The following SPAG17 variants were observed in gnomAD, a reference collection of about 807,000 sequenced individuals.
SPAG17 encodes the protein sperm-associated antigen 17.
A neutral mutation model predicts 273.6 loss-of-function variants in SPAG17; 169 were observed. That is an observed-to-expected ratio of 0.62 (90% confidence interval 0.55 to 0.70). The LOEUF is 0.70. Among genes scored for constraint, SPAG17 ranks in the 30% least tolerant of loss-of-function variants. The pLI is 0.00. For synonymous variants in SPAG17, 825 were observed against 873.2 expected (o/e 0.94, Z 0.97); for missense variants, 2,557 against 2,627.8 (o/e 0.97, Z 0.59).
At chr1:117,984,237 T>C (rs768371046) in intron 41 of SPAG17, among the ~76,000 whole-genome samples, 21 of 152,194 alleles carry the variant, frequency 1.4e-4, no homozygotes, top group Non-Finnish European at 2.6e-4. Context: ...TAGGCTGAAA[T>C]AGAACAGGAG....
rs144656489 is a variant in SPAG17 at position 118,144,344 on chromosome 1, A to T, written c.315+6199T>A. 2.1e-3 allele frequency among the ~76,000 whole-genome samples: 313 copies of T among 152,224 alleles called. 6 individuals carry two copies. Among genetic ancestry groups the T allele is most frequent in the African/African-American group, 7.2e-3 (301 of 41,542 alleles). On this transcript the variant is annotated intron_variant, in intron 3 of 48. Coordinates refer to ENST00000336338, the MANE Select transcript of SPAG17 (RefSeq NM_206996.4). The stretch of plus-strand genomic sequence containing the variant: ...AACACATCTGACTGCTCTTTTCCCC[A>T]TCTTGACAAAAGTCATTCATTTGTA...
intron 1 of SPAG17, among the ~76,000 whole-genome samples, chr1:118,176,903 A>G (rs1660722200): frequency 6.6e-6 from 1 of 152,192 alleles, no homozygotes; most frequent in African/African-American, 2.4e-5. Context: ...GAGAAATCTC[A>G]AAAACTACAC....
At chr1:118,081,355 T>C (rs747529001) in intron 14 of SPAG17, 36 bp from the exon 15 acceptor site, 17 of 1,610,724 alleles carry the variant, frequency 1.1e-5, no homozygotes, top group African/African-American at 1.3e-5. Flanking sequence ...AGATACAATA[T>C]GAGAAAAATT....
At chr1:118,143,497 A>G (rs72631728) in intron 3 of SPAG17, among the ~76,000 whole-genome samples, 11,467 of 152,108 alleles carry the variant, frequency 0.075, 568 homozygotes, top group East Asian at 0.26. Context: ...CCAGGAGTTC[A>G]AGACTTACCC....
chr1:117,955,056 C>T lies in SPAG17; in HGVS notation c.*1-1007G>A, dbSNP rs41276604. ...ATTAGTATTTTATTGCATGTCTCATCACAGTAATTTTGTGAGTCAGGGTAT... is the reference window on the plus strand; with the variant it reads ...ATTAGTATTTTATTGCATGTCTCATTACAGTAATTTTGTGAGTCAGGGTAT... On this transcript the variant is annotated intron_variant, in intron 48 of 48. Coordinates refer to ENST00000336338, the MANE Select transcript of SPAG17 (RefSeq NM_206996.4). The T allele has an allele frequency of 5.2e-3, 2,185 of 416,780 alleles. 10 individuals are homozygous for T. Among genetic ancestry groups the T allele is most frequent in the Non-Finnish European group, 7.2e-3 (1,697 of 236,210 alleles). The allele number at this position is 416,780 out of a possible 1,614,324, so 25.8% of individuals were successfully genotyped here.
At chr1:118,179,915 T>G (rs1046006167) in intron 1 of SPAG17, among the ~76,000 whole-genome samples, 5 of 152,058 alleles carry the variant, frequency 3.3e-5, no homozygotes, top group African/African-American at 1.2e-4. Context: ...CTAGTTAAAA[T>G]GGCTTTTATC....
chr1:118,132,137 T>C (rs749842222), intron 3 of SPAG17, among the ~76,000 whole-genome samples: 6 of 152,176 alleles, frequency 3.9e-5, no homozygotes, highest in Non-Finnish European at 5.9e-5. Context: ...AGAGGGTGCC[T>C]TCTCCACACT....
At chr1:118,177,528 AG>A (rs1194490137) in intron 1 of SPAG17, among the ~76,000 whole-genome samples, 1 of 152,206 alleles carries the variant, frequency 6.6e-6, no homozygotes, top group Non-Finnish European at 1.5e-5. Context: ...GAACTAGAAA[AG>A]CAAGAACAAA....
chr1:118,034,830 G>C (rs1648892220), intron 24 of SPAG17, among the ~76,000 whole-genome samples: 1 of 152,170 alleles, frequency 6.6e-6, no homozygotes, highest in South Asian at 2.1e-4. Flanking sequence ...TTAAGATTAA[G>C]ATTCTTAATT....
At chr1:118,127,459 T>G (rs1657801337) in intron 3 of SPAG17, among the ~76,000 whole-genome samples, 1 of 152,090 alleles carries the variant, frequency 6.6e-6, no homozygotes, top group Non-Finnish European at 1.5e-5. Flanking sequence ...AACCACCCGA[T>G]CTCATGTGAA....
intron 1 of SPAG17, among the ~76,000 whole-genome samples, chr1:118,176,609 A>G (rs1393441980): frequency 6.6e-6 from 1 of 152,250 alleles, no homozygotes; most frequent in Non-Finnish European, 1.5e-5. Context: ...TACAATGATT[A>G]TAGAGGACCT....
chr1:118,139,029 A>G (rs1200058347), intron 3 of SPAG17, among the ~76,000 whole-genome samples: 1 of 152,154 alleles, frequency 6.6e-6, no homozygotes, highest in Admixed American at 6.5e-5. Flanking sequence ...TGTAAGCCAT[A>G]TATTTGATAG....
Position 117,953,646 on chromosome 1 carries a change from TTGA to T in SPAG17, c.*401_*403del. On this transcript the variant is annotated 3_prime_UTR_variant, in exon 49 of 49. Transcript: ENST00000336338. ...AGAAAGCCATTTTTTTGGCAAAAAG[TTGA>T]TGAGATTTAAAGATGGGGATTATAA... 1 of 1,097,374 alleles carries T rather than the reference TTGA, an allele frequency of 9.1e-7. No individual in the cohort carries two copies. The allele number at this position is 1,097,374 out of a possible 1,614,324, so 68.0% of individuals were successfully genotyped here.
At chr1:118,054,495 T>C (rs1426672496) in intron 19 of SPAG17, among the ~76,000 whole-genome samples, 6 of 152,114 alleles carry the variant, frequency 3.9e-5, no homozygotes, top group African/African-American at 1.4e-4. Context: ...ACTTATACTT[T>C]TCCGTACTTG....
chr1:118,160,048 T>G (rs1659837965), intron 1 of SPAG17, among the ~76,000 whole-genome samples: 1 of 152,096 alleles, frequency 6.6e-6, no homozygotes, highest in Non-Finnish European at 1.5e-5. Context: ...ATATTACATA[T>G]CAGAGACATT....
chr1:118,145,257 A>G (rs1033652093), intron 3 of SPAG17, among the ~76,000 whole-genome samples: 3 of 152,240 alleles, frequency 2.0e-5, no homozygotes, highest in Non-Finnish European at 4.4e-5. Flanking sequence ...CAATTCTATT[A>G]AATTGACTAT....
intron 35 of SPAG17, 26 bp from the exon 36 acceptor site, chr1:117,992,674 C>T: frequency 1.3e-6 from 2 of 1,520,634 alleles, no homozygotes; most frequent in Middle Eastern, 2.0e-4. Context: ...AGCAATAACA[C>T]CACCAAAGAA....
At chr1:118,075,620 G>A (rs1264273691) in intron 15 of SPAG17, among the ~76,000 whole-genome samples, 2 of 152,164 alleles carry the variant, frequency 1.3e-5, no homozygotes, top group South Asian at 2.1e-4. Flanking sequence ...ATACTTTGAT[G>A]CTGCTGAACA....
intron 1 of SPAG17, among the ~76,000 whole-genome samples, chr1:118,182,693 G>A (rs1489333361): frequency 6.6e-6 from 1 of 152,018 alleles, no homozygotes; most frequent in Non-Finnish European, 1.5e-5. Flanking sequence ...CAATCTAAAT[G>A]TATCAGATTT....
Sources: allele counts gnomAD v4.1 joint callset (sites outside exome capture counted in the v4.1 genomes callset), GRCh38; gene constraint gnomAD v4.1.1; transcripts MANE v1.5; gene names NCBI Gene and HGNC (gene_info 2026-07-23, HGNC 2026-07-21).